Variants in PARD3B observed in about 807,000 individuals in gnomAD.
PARD3B encodes the protein par-3 family cell polarity regulator beta, also known as partitioning defective 3 homolog B.
In PARD3B, 103 loss-of-function variants were observed where a neutral mutation model predicts 130.2. The ratio of observed to expected loss-of-function variants is 0.79; its 90% CI spans 0.67 to 0.93. PARD3B has a LOEUF of 0.93. Among genes scored for constraint, PARD3B ranks in the 40% least tolerant of loss-of-function variants. PARD3B has a pLI of 0.00. For missense variants in PARD3B, 1,609 were observed against 1,499.2 expected, an observed-to-expected ratio of 1.07 and a Z score of -1.21; for synonymous variants, 583 against 553.2, an observed-to-expected ratio of 1.05 and a Z score of -0.76.
Position 205,504,397 on chromosome 2 carries a change from TC to T in PARD3B, c.3180+4367del, listed in dbSNP as rs1412917923. 2.6e-5 allele frequency among the ~76,000 whole-genome samples: 4 copies of T among 151,988 alleles called. No individual in the cohort carries two copies. The East Asian group carries it at 7.7e-4, about 29-fold the overall frequency. On this transcript the variant is annotated intron_variant, in intron 21 of 22. Coordinates refer to ENST00000406610, the MANE Select transcript of PARD3B (RefSeq NM_001302769.2). ...CAAAAGCCAACATTGACAAATGGGATCTAATTAAACTAAAGAGCTTCTGCAC... is the reference window on the plus strand; with the variant it reads ...CAAAAGCCAACATTGACAAATGGGATTAATTAAACTAAAGAGCTTCTGCAC...
chr2:204,599,206 C>A (rs868753626), intron 1 of PARD3B, among the ~76,000 whole-genome samples: 2 of 151,878 alleles, frequency 1.3e-5, no homozygotes, highest in Non-Finnish European at 2.9e-5. Context: ...CATTCAATAT[C>A]CTCTTTTCTA....
rs545259674 is a variant in PARD3B, at chr2:205,140,030, G to C, written c.1434+14293G>C. 1.1e-4 allele frequency among the ~76,000 whole-genome samples: 16 copies of C among 152,252 alleles called. No individual in the cohort carries two copies. In the East Asian group the frequency reaches 2.5e-3, roughly 24 times the overall value. ...TTTGAAAATATTTCCCAAAGATTGCGTTGCCTCTGCTCTTAGCTCAATAGC... is the reference window on the plus strand; with the variant it reads ...TTTGAAAATATTTCCCAAAGATTGCCTTGCCTCTGCTCTTAGCTCAATAGC... On this transcript the variant is annotated intron_variant, in intron 10 of 22. Transcript: ENST00000406610.
chr2:204,856,856 G>C (rs764402192), intron 2 of PARD3B, among the ~76,000 whole-genome samples: 1 of 152,038 alleles, frequency 6.6e-6, no homozygotes, highest in Non-Finnish European at 1.5e-5. Context: ...ATTTCTTTCT[G>C]GGTTTTCTGT....
chr2:205,246,545 A>G (rs1407004102), intron 16 of PARD3B, among the ~76,000 whole-genome samples: 1 of 152,198 alleles, frequency 6.6e-6, no homozygotes, highest in Non-Finnish European at 1.5e-5. Context: ...CTCTAGGGGC[A>G]CATTGTTTTG....
chr2:205,529,585 T>C (rs1354926054), intron 21 of PARD3B, among the ~76,000 whole-genome samples: 3 of 152,192 alleles, frequency 2.0e-5, no homozygotes, highest in Non-Finnish European at 4.4e-5. Context: ...AGACTCTACA[T>C]TGTGAGGCTA....
intron 4 of PARD3B, among the ~76,000 whole-genome samples, chr2:205,081,228 G>A (rs367750737): frequency 6.6e-6 from 1 of 151,960 alleles, no homozygotes; most frequent in South Asian, 2.1e-4. Context: ...CTATTTTTAT[G>A]AAGTTGTATT....
At chr2:204,712,919 T>G (rs561096710) in intron 2 of PARD3B, among the ~76,000 whole-genome samples, 4 of 152,148 alleles carry the variant, frequency 2.6e-5, no homozygotes, top group Non-Finnish European at 5.9e-5. Context: ...TTTTATATGG[T>G]TTAGGCCCCT....
intron 2 of PARD3B, among the ~76,000 whole-genome samples, chr2:204,933,829 A>G (rs1688210423): frequency 6.6e-6 from 1 of 152,202 alleles, no homozygotes; most frequent in South Asian, 2.1e-4. Context: ...TAAGTGTCAA[A>G]AATGACATAG....
intron 3 of PARD3B, among the ~76,000 whole-genome samples, chr2:204,997,036 G>A (rs1315166789): frequency 6.6e-6 from 1 of 152,096 alleles, no homozygotes; most frequent in South Asian, 2.1e-4. Context: ...GAAATCACCC[G>A]TCTTCTGCGT....
chr2:205,499,784 C>A, intron 20 of PARD3B, 112 bp from the exon 21 acceptor site: 1 of 1,208,032 alleles, frequency 8.3e-7, no homozygotes, highest in Non-Finnish European at 1.1e-6. Flanking sequence ...ATTTGAATTA[C>A]ATTATTGAAT....
Position 205,495,488 on chromosome 2 carries a change from C to T in PARD3B, c.3045-4408C>T, listed in dbSNP as rs545670066. Among the ~76,000 whole-genome samples, 5 of 152,252 alleles carry T rather than the reference C, an allele frequency of 3.3e-5. No individual in the cohort carries two copies. In the East Asian group the frequency reaches 9.7e-4, roughly 29 times the overall value. On this transcript the variant is annotated intron_variant, in intron 20 of 22. Coordinates refer to ENST00000406610, the MANE Select transcript of PARD3B (RefSeq NM_001302769.2). ...AACAATGTGGAGATGAGGTTATTGA[C>T]ACTTTTACTAGTTTTATATGGTTTC... is the stretch of plus-strand genomic sequence containing the variant.
intron 7 of PARD3B, among the ~76,000 whole-genome samples, chr2:205,119,522 C>A (rs2007614): frequency 6.6e-6 from 1 of 151,922 alleles, no homozygotes; most frequent in Non-Finnish European, 1.5e-5. Context: ...TGGTTCATGC[C>A]TGTAATCCCA....
intron 2 of PARD3B, among the ~76,000 whole-genome samples, chr2:204,938,194 A>C (rs954633889): frequency 1.3e-5 from 2 of 152,220 alleles, no homozygotes; most frequent in Non-Finnish European, 2.9e-5. Context: ...ATTGTGACAA[A>C]ACAGTAATGT....
intron 2 of PARD3B, among the ~76,000 whole-genome samples, chr2:204,867,277 A>G (rs756701018): frequency 3.9e-5 from 6 of 152,206 alleles, no homozygotes; most frequent in African/African-American, 9.6e-5. Context: ...AAAACAAAGC[A>G]GAAAACAGCT....
At chr2:204,933,081 C>T (rs1688147247) in intron 2 of PARD3B, among the ~76,000 whole-genome samples, 2 of 152,162 alleles carry the variant, frequency 1.3e-5, no homozygotes, top group African/African-American at 4.8e-5. Flanking sequence ...GTGTGAAGAA[C>T]TGATTGCTCT....
At chr2:205,427,388 A>C (rs552371424) in intron 19 of PARD3B, among the ~76,000 whole-genome samples, 1 of 152,360 alleles carries the variant, frequency 6.6e-6, no homozygotes, top group East Asian at 1.9e-4. Flanking sequence ...TGACTCGTTA[A>C]ATAAACAAAA....
chr2:205,383,143 G>GAGAGATAGATAGATAGATAGATAGAT (rs1285602415), intron 18 of PARD3B, among the ~76,000 whole-genome samples: 1 of 135,504 alleles, frequency 7.4e-6, no homozygotes, highest in Non-Finnish European at 1.6e-5. Flanking sequence ...TAGATAGATC[G>GAGAGATAGATAGATAGATAGATAGAT]ATCTAAACTA....
intron 2 of PARD3B, among the ~76,000 whole-genome samples, chr2:204,808,996 T>C (rs1428038759): frequency 2.0e-5 from 3 of 152,130 alleles, no homozygotes; most frequent in African/African-American, 7.2e-5. Flanking sequence ...TGGTACCCCA[T>C]TGTGGTTTTG....
At chr2:205,413,574 C>G (rs974812999) in intron 19 of PARD3B, among the ~76,000 whole-genome samples, 2 of 152,142 alleles carry the variant, frequency 1.3e-5, no homozygotes, top group African/African-American at 4.8e-5. Context: ...GTAGACAAAG[C>G]TATAGCGTTT....
Sources: allele counts gnomAD v4.1 joint callset (sites outside exome capture counted in the v4.1 genomes callset), GRCh38; gene constraint gnomAD v4.1.1; transcripts MANE v1.5; gene names NCBI Gene and HGNC (gene_info 2026-07-23, HGNC 2026-07-21).